The following EVC2 variants were observed in gnomAD, a reference collection of about 807,000 sequenced individuals.
The protein encoded by EVC2 is limbin.
Under a neutral mutation model 149.3 loss-of-function variants are expected in EVC2, and 148 were observed. That is an observed-to-expected ratio of 0.99 (90% CI 0.87 to 1.14). EVC2 has a LOEUF of 1.14. EVC2 is among the 50% of genes most tolerant of loss of function. The probability of loss-of-function intolerance (pLI) is 0.00; values close to 1 mark genes in which losing one functional copy is unlikely to be tolerated. For synonymous variants in EVC2, 776 were observed against 649.9 expected, an observed-to-expected ratio of 1.19 and a Z score of -2.95; for missense variants, 1,854 against 1,627.3, an observed-to-expected ratio of 1.14 and a Z score of -2.40.
chr4:5,566,829 C>T (rs2108768865), intron 20 of EVC2, among the ~76,000 whole-genome samples: 1 of 152,216 alleles, frequency 6.6e-6, no homozygotes, highest in African/African-American at 2.4e-5. Context: ...GGGTGGTAGG[C>T]AGGCAGAAGT....
chr4:5,587,365 C>T (rs1347318225), intron 16 of EVC2, among the ~76,000 whole-genome samples: 2 of 152,220 alleles, frequency 1.3e-5, no homozygotes, highest in African/African-American at 4.8e-5. Flanking sequence ...TACAGAAGAA[C>T]AACCTTTTGT....
Position 5,622,440 on chromosome 4 carries a change from G to A in EVC2, c.2501+97C>T, listed in dbSNP as rs1280233905. On this transcript the variant is annotated intron_variant, in intron 14 of 21. Coordinates refer to ENST00000344408, the MANE Select transcript of EVC2 (RefSeq NM_147127.5). This position sits in a 1 kb window ranked among gnomAD's most constrained non-coding sequence, Gnocchi z 5.8. The stretch of plus-strand genomic sequence containing the variant: ...GGTAATCTCATCTGTCTGGGGCCAG[G>A]TGTCTCATGCTTGGCCATCCCCACA... The A allele has an allele frequency of 7.3e-7, 1 of 1,361,092 alleles. No individual in the cohort carries two copies. Among genetic ancestry groups the A allele is most frequent in the Non-Finnish European group, 1.0e-6 (1 of 971,692 alleles). 84.3% of individuals were successfully genotyped at this position (1,361,092 alleles called of 1,614,324 possible).
Position 5,576,122 on chromosome 4 carries a change from C to T in EVC2, c.3272+118G>A. 1 of 1,545,620 alleles carries T rather than the reference C, an allele frequency of 6.5e-7. No individual in the cohort carries two copies. Among genetic ancestry groups the T allele is most frequent in the Non-Finnish European group, 8.9e-7 (1 of 1,129,690 alleles). ...AGCTCGTGTTGGAGCAATGGGATGACACCTTAGGCAAGAGGGTGAGAGCCC... is the reference window on the plus strand; with the variant it reads ...AGCTCGTGTTGGAGCAATGGGATGATACCTTAGGCAAGAGGGTGAGAGCCC... On this transcript the variant is annotated intron_variant, in intron 18 of 21. Transcript: ENST00000344408. This position sits in a 1 kb window ranked among gnomAD's most constrained non-coding sequence, Gnocchi z 4.5.
the EVC2 span, among the ~76,000 whole-genome samples, chr4:5,533,181 G>C: frequency 6.6e-6 from 1 of 152,052 alleles, no homozygotes; most frequent in Non-Finnish European, 1.5e-5. Context: ...ATCAATGAGG[G>C]GAAAGGGATA....
At chr4:5,659,798 A>C (rs1342725150) in intron 9 of EVC2, among the ~76,000 whole-genome samples, 1 of 152,234 alleles carries the variant, frequency 6.6e-6, no homozygotes, top group Non-Finnish European at 1.5e-5. Context: ...TTTTTGAATA[A>C]AAAACAAAAA....
At chr4:5,654,658 G>A (rs1718384667) in intron 9 of EVC2, among the ~76,000 whole-genome samples, 1 of 152,210 alleles carries the variant, frequency 6.6e-6, no homozygotes, top group Non-Finnish European at 1.5e-5. Context: ...GGAGTGAGGA[G>A]AATCCTATGG....
intron 19 of EVC2, among the ~76,000 whole-genome samples, chr4:5,571,863 G>A (rs1034258820): frequency 2.0e-5 from 3 of 152,188 alleles, no homozygotes; most frequent in African/African-American, 7.2e-5. Flanking sequence ...GTCATAATGT[G>A]GCTGGCCTCA....
chr4:5,582,725 C>A (rs1470979606), intron 17 of EVC2, among the ~76,000 whole-genome samples: 1 of 152,096 alleles, frequency 6.6e-6, no homozygotes, highest in East Asian at 1.9e-4. Context: ...GAATTGTAAT[C>A]CCCAATGTTG....
intron 18 of EVC2, 30 bp from the exon 19 acceptor site, chr4:5,574,802 C>A: frequency 6.2e-7 from 1 of 1,605,028 alleles, no homozygotes; most frequent in South Asian, 1.1e-5. Context: ...TACGTAAGTT[C>A]AGTTTTGTTA....
upstream of EVC2, chr4:5,709,468 T>TGG: frequency 6.6e-6 from 1 of 152,326 alleles, no homozygotes; most frequent in African/African-American, 2.4e-5. Flanking sequence ...TCTCTCCCCA[T>TGG]AACCCAGACC....
Position 5,570,623 on chromosome 4 carries a change from G to A in EVC2, c.3361-1983C>T, listed in dbSNP as rs114241505. Among the ~76,000 whole-genome samples the A allele has an allele frequency of 1.0e-2, 1,521 of 152,268 alleles. 20 individuals are homozygous for A. Among genetic ancestry groups the A allele is most frequent in the African/African-American group, 0.033 (1,355 of 41,542 alleles). ...AGAACTAAAAGTAGAATTACCATTC[G>A]ATCCAGCAGTCCCACTGCTGGGTAT... On this transcript the variant is annotated intron_variant, in intron 19 of 21. Transcript: ENST00000344408.
At chr4:5,702,636 G>A (rs1008430460) in intron 1 of EVC2, among the ~76,000 whole-genome samples, 3 of 152,204 alleles carry the variant, frequency 2.0e-5, no homozygotes, top group African/African-American at 7.2e-5. Context: ...AGCCATACAT[G>A]GCTACTGTAG....
At chr4:5,589,277 T>C (rs938357356) in intron 16 of EVC2, among the ~76,000 whole-genome samples, 1 of 152,228 alleles carries the variant, frequency 6.6e-6, no homozygotes, top group African/African-American at 2.4e-5. Flanking sequence ...CTATATTTGA[T>C]GTCCTCTGAA....
At chr4:5,615,817 A>T (rs951491943) in intron 15 of EVC2, among the ~76,000 whole-genome samples, 3 of 152,236 alleles carry the variant, frequency 2.0e-5, no homozygotes, top group Non-Finnish European at 4.4e-5. Context: ...GTCAGAGAGC[A>T]GACCCAAGGC....
At position 5,618,671 on chromosome 4, in the gene EVC2, G is replaced by T; in HGVS notation, c.2513C>A (p.Ser838Tyr). The change falls in exon 15 of 22, where the codon TCC (serine) becomes TAC (tyrosine). Residue 838 changes from serine (S) to tyrosine (Y), a missense_variant. By Grantham distance (144) the Ser-to-Tyr change is moderately radical. Transcript: ENST00000344408. The surrounding 1 kb of genome is among the most constrained non-coding windows in gnomAD (Gnocchi z 4.4). ...CTCTTCAGACAGGGAGAAGACTGAGGAGCAGAGCTTCCTGGGAGGAAGAAC... is the reference window on the plus strand; with the variant it reads ...CTCTTCAGACAGGGAGAAGACTGAGTAGCAGAGCTTCCTGGGAGGAAGAAC... ...WEHLIFMKLC[S>Y]SVFSLSEEEL... is the part of the protein sequence containing the mutation. The T allele has an allele frequency of 6.2e-7, 1 of 1,600,668 alleles. No individual in the cohort carries two copies. The highest frequency in any genetic ancestry group is 1.1e-5 in the South Asian group (1 of 88,698).
chr4:5,549,579 TAC>T (rs1246268264), intron 21 of EVC2, among the ~76,000 whole-genome samples: 1 of 152,242 alleles, frequency 6.6e-6, no homozygotes, highest in African/African-American at 2.4e-5. Context: ...TAGCCAGTGA[TAC>T]AGTCTCCATT....
intron 16 of EVC2, among the ~76,000 whole-genome samples, chr4:5,590,827 G>T (rs1399903084): frequency 6.6e-6 from 1 of 152,124 alleles, no homozygotes; most frequent in Non-Finnish European, 1.5e-5. Context: ...ATAAAGAAAA[G>T]AAATTTAATT....
intron 10 of EVC2, 124 bp from the exon 11 acceptor site, chr4:5,632,156 G>C: frequency 7.8e-7 from 1 of 1,280,076 alleles, no homozygotes; most frequent in Non-Finnish European, 1.1e-6. Flanking sequence ...ACAGATGCAT[G>C]CACATATGCA....
intron 5 of EVC2, among the ~76,000 whole-genome samples, chr4:5,685,833 A>C (rs915631321): frequency 3.0e-4 from 46 of 152,258 alleles, no homozygotes; most frequent in Middle Eastern, 3.4e-3. Context: ...GGCTGTGCTC[A>C]GCCCATCCTG....
Sources: allele counts gnomAD v4.1 joint callset (sites outside exome capture counted in the v4.1 genomes callset), GRCh38; gene constraint gnomAD v4.1.1; non-coding constraint Gnocchi (gnomAD v3.1); transcripts MANE v1.5; gene names NCBI Gene and HGNC (gene_info 2026-07-23, HGNC 2026-07-21).